Variants in IARS2 observed in about 807,000 individuals in gnomAD.
IARS2 encodes the protein isoleucine--tRNA ligase, mitochondrial.
Under a neutral mutation model 126.3 loss-of-function variants are expected in IARS2, and 56 were observed. That is an observed-to-expected ratio of 0.44 (90% confidence interval 0.36 to 0.55). The LOEUF is 0.55. IARS2 is among the 20% of genes least tolerant of loss of function. The pLI is 0.00. For missense variants in IARS2, 1,127 were observed against 1,245.9 expected, an observed-to-expected ratio of 0.90 and a Z score of 1.44; for synonymous variants, 407 against 441.1, an observed-to-expected ratio of 0.92 and a Z score of 0.97.
chr1:220,144,336 AT>A, intron 21 of IARS2: 1 of 732,930 alleles, frequency 1.4e-6, no homozygotes. Flanking sequence ...CAGCCAGGAC[AT>A]TCATGCGCAC....
chr1:220,094,216 C>G lies in IARS2; in HGVS notation c.-1C>G, dbSNP rs780458958. 1.1e-5 allele frequency: 18 copies of G among 1,567,562 alleles called. No homozygotes were observed. The South Asian group carries it at 2.1e-4, about 18-fold the overall frequency. ...ACCCCGCTCTCAGGGGTTGCCGGAC[C>G]ATGCGTTGGGGGCTGCGCCCTCGCG... On this transcript the variant is annotated 5_prime_UTR_variant, in exon 1 of 23. Coordinates refer to ENST00000366922, the MANE Select transcript of IARS2 (RefSeq NM_018060.4).
At chr1:220,125,392 A>T (rs1285002179) in intron 13 of IARS2, 53 bp downstream of exon 13, 1 of 1,074,158 alleles carries the variant, frequency 9.3e-7, no homozygotes, top group Non-Finnish European at 1.4e-6. Flanking sequence ...GGACTTAATG[A>T]CAACATGAGA....
chr1:220,124,546 T>C (rs772760662), intron 12 of IARS2, among the ~76,000 whole-genome samples: 3 of 152,200 alleles, frequency 2.0e-5, no homozygotes, highest in Non-Finnish European at 4.4e-5. Context: ...AACAATGAAT[T>C]AGATTGTTCT....
intron 14 of IARS2, among the ~76,000 whole-genome samples, chr1:220,133,341 C>T: frequency 6.6e-6 from 1 of 152,148 alleles, no homozygotes; most frequent in East Asian, 1.9e-4. Flanking sequence ...ATAAAATCTA[C>T]CCTACTAGGT....
chr1:220,110,615 C>CAT (rs934782923), intron 10 of IARS2, among the ~76,000 whole-genome samples, 171 bp from the exon 11 acceptor site: 17 of 152,276 alleles, frequency 1.1e-4, no homozygotes, highest in African/African-American at 3.9e-4. Flanking sequence ...TTGCCTGCCT[C>CAT]AGCCTCGCAA....
intron 15 of IARS2, 26 bp downstream of exon 15, chr1:220,134,536 T>A: frequency 6.9e-7 from 1 of 1,439,598 alleles, no homozygotes; most frequent in East Asian, 2.3e-5. Context: ...TGAACCAACC[T>A]GCTGAGTACC....
chr1:220,141,956 A>G lies in IARS2; in HGVS notation c.2560+8A>G. 6.2e-7 allele frequency: 1 copy of G among 1,610,084 alleles called. No homozygotes were observed. The highest frequency in any genetic ancestry group is 8.5e-7 in the Non-Finnish European group (1 of 1,178,156). ...ACATACCTTATATTAAAGGTAAGGA[A>G]TACTTCATTTATTCTCTTAATGAGA... On this transcript the variant is annotated splice_region_variant and intron_variant, in intron 20 of 22. Coordinates refer to ENST00000366922, the MANE Select transcript of IARS2 (RefSeq NM_018060.4).
intron 11 of IARS2, 81 bp from the exon 12 acceptor site, chr1:220,114,233 C>A: frequency 7.8e-7 from 1 of 1,277,662 alleles, no homozygotes; most frequent in Non-Finnish European, 1.1e-6. Flanking sequence ...CCAAAAGAAA[C>A]AAATGCATTT....
Position 220,139,137 on chromosome 1 carries a change from A to C in IARS2, c.2305A>C (p.Lys769Gln). The change falls in exon 18 of 23, where the codon AAG becomes CAG. Residue 769 changes from lysine (K) to glutamine (Q), a missense_variant and splice_region_variant. By Grantham distance (53) the Lys-to-Gln change is moderately conservative. Transcript: ENST00000366922. Reference protein sequence around the residue: ...MLHLLQDLANKITELYKQYDF... With the variant: ...MLHLLQDLANQITELYKQYDF... ...ACACTTACTGCAGGATTTGGCAAAC[A>C]AGGTAAATGTAAATTAATAAACTTT... The C allele has an allele frequency of 6.2e-7, 1 of 1,604,102 alleles. No individual in the cohort carries two copies. Among genetic ancestry groups the C allele is most frequent in the African/African-American group, 1.3e-5 (1 of 74,684 alleles).
intron 19 of IARS2, among the ~76,000 whole-genome samples, chr1:220,140,718 C>T (rs138067099): frequency 2.6e-3 from 400 of 151,796 alleles, no homozygotes; most frequent in African/African-American, 9.2e-3. Flanking sequence ...GGCGTGGTGC[C>T]TCACGCCTGT....
At chr1:220,117,755 T>G (rs1331271873) in intron 12 of IARS2, 6 of 429,806 alleles carry the variant, frequency 1.4e-5, no homozygotes, top group Non-Finnish European at 2.3e-5. Context: ...GGTATATTTA[T>G]GTTTTATTTA....
intron 16 of IARS2, chr1:220,137,622 C>A (rs943321288): frequency 3.7e-6 from 1 of 269,080 alleles, no homozygotes; most frequent in East Asian, 7.1e-5. Flanking sequence ...CTCCCTGGCA[C>A]TGCTGTGTGT....
intron 11 of IARS2, among the ~76,000 whole-genome samples, chr1:220,113,630 T>C (rs555460816): frequency 2.1e-5 from 3 of 141,268 alleles, no homozygotes; most frequent in East Asian, 2.0e-4. Flanking sequence ...TCGATAGATA[T>C]ATATATATAG....
At chr1:220,125,124 C>T (rs933023230) in intron 12 of IARS2, 113 bp from the exon 13 acceptor site, 12 of 559,036 alleles carry the variant, frequency 2.1e-5, no homozygotes, top group Middle Eastern at 2.8e-4. Flanking sequence ...GCTTTTTCTT[C>T]AAACTAAGGT....
intron 12 of IARS2, among the ~76,000 whole-genome samples, chr1:220,118,750 A>T (rs74139285): frequency 6.6e-6 from 1 of 152,118 alleles, no homozygotes; most frequent in Admixed American, 6.5e-5. Flanking sequence ...GGAATTTCCA[A>T]TATAATTTGA....
At chr1:220,130,581 A>G (rs1036617090) in intron 14 of IARS2, among the ~76,000 whole-genome samples, 1 of 152,060 alleles carries the variant, frequency 6.6e-6, no homozygotes, top group African/African-American at 2.4e-5. Context: ...TTTTTGAGAC[A>G]GAGTCTCGCT....
At chr1:220,120,454 A>G (rs1657018307) in intron 12 of IARS2, among the ~76,000 whole-genome samples, 1 of 150,526 alleles carries the variant, frequency 6.6e-6, no homozygotes, top group African/African-American at 2.5e-5. Context: ...GGCTCACTGC[A>G]TCTTCTGCCT....
chr1:220,133,850 T>G (rs1299728616), intron 14 of IARS2, among the ~76,000 whole-genome samples: 12 of 152,100 alleles, frequency 7.9e-5, no homozygotes, highest in Non-Finnish European at 1.6e-4. Context: ...ATGGATAGTC[T>G]CTTAACATAA....
chr1:220,117,765 A>G (rs1656957291), intron 12 of IARS2: 1 of 436,710 alleles, frequency 2.3e-6, no homozygotes, highest in African/African-American at 2.1e-5. Flanking sequence ...TGTTTTATTT[A>G]CTCAATACAT....
Sources: gnomAD v4.1 joint callset for allele counts (sites outside exome capture counted in the v4.1 genomes callset) on GRCh38, gnomAD v4.1.1 for gene constraint, MANE v1.5 for transcripts, NCBI Gene and HGNC (gene_info 2026-07-23, HGNC 2026-07-21) for gene names.